The following PPP4R4 variants were observed in gnomAD, a reference collection of about 807,000 sequenced individuals.
PPP4R4 encodes the protein protein phosphatase 4 regulatory subunit 4, also known as serine/threonine-protein phosphatase 4 regulatory subunit 4.
In PPP4R4, 70 loss-of-function variants were observed where a neutral mutation model predicts 121.8. That is an observed-to-expected ratio of 0.57 (90% CI 0.47 to 0.70). The LOEUF (loss-of-function observed/expected upper bound fraction) is 0.70. Among genes scored for constraint, PPP4R4 ranks in the 30% least tolerant of loss-of-function variants. PPP4R4 has a pLI of 0.00. For missense variants in PPP4R4, 875 were observed against 1,033.6 expected, an observed-to-expected ratio of 0.85 and a Z score of 2.10; for synonymous variants, 348 against 355.7, an observed-to-expected ratio of 0.98 and a Z score of 0.24.
At chr14:94,184,507 C>T (rs1056102578) in intron 2 of PPP4R4, among the ~76,000 whole-genome samples, 2 of 152,170 alleles carry the variant, frequency 1.3e-5, no homozygotes, top group Non-Finnish European at 2.9e-5. Context: ...GATCCACCTG[C>T]CTCAACCCCG....
chr14:94,234,631 T>G lies in PPP4R4; in HGVS notation c.693T>G (p.Cys231Trp), dbSNP rs756257317. Residue 231 changes from cysteine (C) to tryptophan (W), a missense_variant, in exon 7 of 25, where the codon TGT becomes TGG. Coordinates refer to ENST00000304338, the MANE Select transcript of PPP4R4 (RefSeq NM_058237.2). ...CQDVEYEVRS[C>W]MCRQLENIAQ... ...ATGTAGAATATGAAGTTCGATCTTG[T>G]ATGTGTCGGCAATTAGAAAATATAG... The G allele has an allele frequency of 6.2e-7, 1 of 1,607,630 alleles. No homozygotes were observed. Among genetic ancestry groups the G allele is most frequent in the Non-Finnish European group, 8.5e-7 (1 of 1,174,376 alleles).
At chr14:94,245,531 T>C in intron 12 of PPP4R4, 56 bp from the exon 13 acceptor site, 3 of 920,842 alleles carry the variant, frequency 3.3e-6, no homozygotes, top group Non-Finnish European at 4.7e-6. Context: ...CATGTAGAAT[T>C]AATCTAGCAA....
chr14:94,231,352 T>C, intron 5 of PPP4R4, 37 bp downstream of exon 5: 1 of 1,521,428 alleles, frequency 6.6e-7, no homozygotes, highest in Non-Finnish European at 9.0e-7. Flanking sequence ...AATAAGTAAG[T>C]CACTCTAAGG....
At chr14:94,276,126 A>T (rs1000962637) in intron 24 of PPP4R4, among the ~76,000 whole-genome samples, 20 of 152,226 alleles carry the variant, frequency 1.3e-4, no homozygotes, top group African/African-American at 4.6e-4. Context: ...CCATGATAAG[A>T]GACTATATCA....
chr14:94,251,992 T>G (rs752256171), intron 16 of PPP4R4, 96 bp downstream of exon 16: 19 of 1,121,776 alleles, frequency 1.7e-5, no homozygotes, highest in Non-Finnish European at 2.4e-5. Flanking sequence ...AATTAAAAAC[T>G]TAAGTCAAGA....
At chr14:94,243,763 G>A (rs964840420) in intron 11 of PPP4R4, among the ~76,000 whole-genome samples, 4 of 151,784 alleles carry the variant, frequency 2.6e-5, no homozygotes, top group Non-Finnish European at 5.9e-5. Context: ...TAAAATGAGG[G>A]GCTAGTGTAA....
At chr14:94,204,353 G>A (rs1890350752) in intron 2 of PPP4R4, among the ~76,000 whole-genome samples, 1 of 151,896 alleles carries the variant, frequency 6.6e-6, no homozygotes. Flanking sequence ...TTTGTCTACT[G>A]GATTGTCTCT....
At position 94,275,482 on chromosome 14, in the gene PPP4R4, G is replaced by A. The variant is rs775227355; in HGVS notation, c.2558G>A (p.Ser853Asn). 5.6e-6 allele frequency: 9 copies of A among 1,614,052 alleles called. No homozygotes were observed. The highest frequency in any genetic ancestry group is 2.2e-5 in the South Asian group (2 of 91,070). The change falls in exon 24 of 25, where the codon AGC (serine) becomes AAC (asparagine). Residue 853 changes from serine to asparagine, a missense_variant. By Grantham distance (46) the Ser-to-Asn change is conservative. Coordinates refer to ENST00000304338, the MANE Select transcript of PPP4R4 (RefSeq NM_058237.2). ...ACAGGTAACTCAGTTGACCCCAAGA[G>A]CAGTGGAAGTAAAGATACACAACCA... ...RGTGNSVDPKSSGSKDTQPRK... is the reference protein window; with the variant it reads ...RGTGNSVDPKNSGSKDTQPRK...
chr14:94,234,890 G>GA (rs1353869680), intron 7 of PPP4R4, among the ~76,000 whole-genome samples: 1 of 152,092 alleles, frequency 6.6e-6, no homozygotes, highest in Admixed American at 6.5e-5. Context: ...CTAGATTCAG[G>GA]AAAGAAAAGA....
chr14:94,240,104 C>A lies in PPP4R4; in HGVS notation c.854-569C>A, dbSNP rs150649221. On this transcript the variant is annotated intron_variant, in intron 8 of 24. Transcript: ENST00000304338. ...ATTTAGAATTGAGACTTAAAAATCA[C>A]CAGTATGTCAGATACTTATGACCTA... Among the ~76,000 whole-genome samples the A allele has an allele frequency of 6.4e-3, 967 of 152,162 alleles. 10 individuals are homozygous for A. Among genetic ancestry groups the A allele is most frequent in the African/African-American group, 0.021 (863 of 41,524 alleles).
intron 23 of PPP4R4, among the ~76,000 whole-genome samples, chr14:94,270,398 T>G (rs2139657315): frequency 6.6e-6 from 1 of 152,302 alleles, no homozygotes; most frequent in East Asian, 1.9e-4. Context: ...AAATCTGTAT[T>G]GAAATGCAAA....
intron 16 of PPP4R4, among the ~76,000 whole-genome samples, chr14:94,255,157 A>G (rs536240074): frequency 5.3e-5 from 8 of 152,276 alleles, no homozygotes; most frequent in Admixed American, 2.6e-4. Context: ...TTAAATCTTC[A>G]TCTTTCTTAT....
Position 94,231,280 on chromosome 14 carries a change from A to C in PPP4R4, c.481A>C (p.Ile161Leu). The C allele has an allele frequency of 6.2e-7, 1 of 1,612,606 alleles. No individual in the cohort carries two copies. Among genetic ancestry groups the C allele is most frequent in the Non-Finnish European group, 8.5e-7 (1 of 1,178,866 alleles). Reference sequence around the variant, plus strand: ...ATGGCTGGAAACTCTTCTGTCTGTTATAGAAGTATTGCCAAAAGAAACCCT... The same window carrying C: ...ATGGCTGGAAACTCTTCTGTCTGTTCTAGAAGTATTGCCAAAAGAAACCCT... ...NAWLETLLSV[I>L]EVLPKETLRH... Residue 161 changes from isoleucine (I) to leucine (L), a missense_variant, in exon 5 of 25, where the codon ATA (isoleucine) becomes CTA (leucine). By Grantham distance (5) the Ile-to-Leu change is conservative. Transcript: ENST00000304338.
At chr14:94,220,240 A>AATAG (rs1458664865) in intron 3 of PPP4R4, among the ~76,000 whole-genome samples, 62 of 152,192 alleles carry the variant, frequency 4.1e-4, no homozygotes, top group African/African-American at 1.4e-3. Context: ...TAAATAAATA[A>AATAG]ATAACCTCAC....
chr14:94,271,225 C>G (rs1219073838), intron 23 of PPP4R4, among the ~76,000 whole-genome samples: 1 of 152,122 alleles, frequency 6.6e-6, no homozygotes, highest in Non-Finnish European at 1.5e-5. Context: ...AAGAATAATA[C>G]ATACCAACAT....
chr14:94,234,616 T>C lies in PPP4R4; in HGVS notation c.678T>C (p.Tyr226=), dbSNP rs116260409. 228 of 1,610,072 alleles carry C rather than the reference T, an allele frequency of 1.4e-4. No individual in the cohort carries two copies. In the East Asian group the frequency reaches 4.2e-3, roughly 30 times the overall value. Reference sequence around the variant, plus strand: ...AATCACTCTGTCAAGATGTAGAATATGAAGTTCGATCTTGTATGTGTCGGC... The same window carrying C: ...AATCACTCTGTCAAGATGTAGAATACGAAGTTCGATCTTGTATGTGTCGGC... ...LVKSLCQDVE[Y]EVRSCMCRQL... is the part of the protein sequence containing the mutation. Residue 226 remains tyrosine, a synonymous_variant, in exon 7 of 25, where the codon TAT becomes TAC. Transcript: ENST00000304338.
chr14:94,236,261 ACT>A (rs1289743845), intron 7 of PPP4R4, among the ~76,000 whole-genome samples: 1 of 152,132 alleles, frequency 6.6e-6, no homozygotes. Context: ...AAAAAAGAGA[ACT>A]CTGTTTAAAG....
intron 11 of PPP4R4, among the ~76,000 whole-genome samples, chr14:94,243,548 T>C (rs962440103): frequency 6.6e-6 from 1 of 152,216 alleles, no homozygotes; most frequent in African/African-American, 2.4e-5. Context: ...CTCATCAGTT[T>C]AATATTTAAT....
intron 2 of PPP4R4, among the ~76,000 whole-genome samples, chr14:94,194,803 T>G (rs956980986): frequency 6.6e-6 from 1 of 152,090 alleles, no homozygotes; most frequent in Non-Finnish European, 1.5e-5. Context: ...ATGACTAAAG[T>G]CAGCAGAACA....
Sources: gnomAD v4.1 joint callset for allele counts (sites outside exome capture counted in the v4.1 genomes callset) on GRCh38, gnomAD v4.1.1 for gene constraint, MANE v1.5 for transcripts, NCBI Gene and HGNC (gene_info 2026-07-23, HGNC 2026-07-21) for gene names.